PDE4B: variants seen among roughly 807,000 people sequenced by gnomAD.
PDE4B encodes the protein phosphodiesterase 4B, also known as 3',5'-cyclic-AMP phosphodiesterase 4B.
Under a neutral mutation model 82.2 loss-of-function variants are expected in PDE4B, and 20 were observed. That is an observed-to-expected ratio of 0.24 (90% confidence interval 0.17 to 0.35). PDE4B has a LOEUF of 0.35. Ranked by LOEUF, PDE4B falls within the 10% of genes least tolerant of loss-of-function variation. The pLI is 1.00. For synonymous variants in PDE4B, 320 were observed against 318.9 expected, an observed-to-expected ratio of 1.00 and a Z score of -0.04; for missense variants, 655 against 907.2, an observed-to-expected ratio of 0.72 and a Z score of 3.57.
At chr1:65,833,792 A>T (rs945020391) in intron 1 of PDE4B, among the ~76,000 whole-genome samples, 2 of 152,210 alleles carry the variant, frequency 1.3e-5, no homozygotes, top group African/African-American at 4.8e-5. Context: ...ATTTTCAGAA[A>T]TTTTTTGAGT....
At position 65,812,905 on chromosome 1, in the gene PDE4B, G is replaced by A. The variant is rs531394521; in HGVS notation, c.-71+19657G>A. 5.3e-5 allele frequency among the ~76,000 whole-genome samples: 8 copies of A among 152,136 alleles called. No homozygotes were observed. In the South Asian group the frequency reaches 1.7e-3, roughly 32 times the overall value. On this transcript the variant is annotated intron_variant, in intron 1 of 16. Coordinates refer to ENST00000341517, the MANE Select transcript of PDE4B (RefSeq NM_002600.4). Reference sequence around the variant, plus strand: ...ATTTGCCTGTCAACTGCTTTCTAAGGGTCCTAGACAGCCCTGGAAAAGTTG... The same window carrying A: ...ATTTGCCTGTCAACTGCTTTCTAAGAGTCCTAGACAGCCCTGGAAAAGTTG...
Position 66,063,387 on chromosome 1 carries a change from G to T in PDE4B, c.281+144552G>T, listed in dbSNP as rs927300487. Among the ~76,000 whole-genome samples, 304 of 152,120 alleles carry T rather than the reference G, an allele frequency of 2.0e-3. 3 individuals are homozygous for T. Among genetic ancestry groups the T allele is most frequent in the Non-Finnish European group, 1.5e-4 (10 of 67,946 alleles). ...GATTCTGATATAATTTATCTACAGT[G>T]GGTGCTGGGCTCTGGTATTTTTTGA... On this transcript the variant is annotated intron_variant, in intron 3 of 16. Coordinates refer to ENST00000341517, the MANE Select transcript of PDE4B (RefSeq NM_002600.4).
chr1:66,349,816 C>T (rs1661686468), intron 8 of PDE4B, among the ~76,000 whole-genome samples: 1 of 152,100 alleles, frequency 6.6e-6, no homozygotes, highest in African/African-American at 2.4e-5. Flanking sequence ...CACTATATCC[C>T]TCATTCTGTT....
intron 3 of PDE4B, among the ~76,000 whole-genome samples, chr1:66,217,204 A>C (rs1483814468): frequency 2.6e-5 from 4 of 152,032 alleles, no homozygotes; most frequent in Non-Finnish European, 5.9e-5. Context: ...ATACTTAGTC[A>C]TTGTGTGTTT....
At chr1:65,825,722 C>G (rs987379396) in intron 1 of PDE4B, among the ~76,000 whole-genome samples, 1 of 151,192 alleles carries the variant, frequency 6.6e-6, no homozygotes, top group Non-Finnish European at 1.5e-5. Flanking sequence ...ATCTATCTAT[C>G]TATCTATCTA....
At chr1:65,855,370 C>A (rs554587002) in intron 1 of PDE4B, among the ~76,000 whole-genome samples, 8 of 152,218 alleles carry the variant, frequency 5.3e-5, no homozygotes, top group Non-Finnish European at 1.0e-4. Flanking sequence ...GGTTGGTTAA[C>A]TGCAGCTTAG....
chr1:66,082,339 C>T (rs1570176572), intron 3 of PDE4B, among the ~76,000 whole-genome samples: 1 of 152,206 alleles, frequency 6.6e-6, no homozygotes, highest in East Asian at 1.9e-4. Flanking sequence ...TGAATACCTA[C>T]CTGTGGAATC....
chr1:66,193,541 T>C (rs1016353354), intron 3 of PDE4B, among the ~76,000 whole-genome samples: 1 of 152,158 alleles, frequency 6.6e-6, no homozygotes, highest in African/African-American at 2.4e-5. Context: ...GGAAATGTTA[T>C]CATCTCAGAG....
chr1:66,246,366 T>C (rs1260763798), intron 3 of PDE4B, among the ~76,000 whole-genome samples: 1 of 152,206 alleles, frequency 6.6e-6, no homozygotes, highest in Admixed American at 6.5e-5. Flanking sequence ...AATGTAGACA[T>C]AAATCATGGC....
intron 7 of PDE4B, among the ~76,000 whole-genome samples, chr1:66,319,068 A>AG (rs1367468973): frequency 6.6e-6 from 1 of 152,252 alleles, no homozygotes; most frequent in Non-Finnish European, 1.5e-5. Context: ...TGTATATAAC[A>AG]GGTTTTCTGC....
At chr1:66,298,299 G>T (rs1198119709) in intron 7 of PDE4B, among the ~76,000 whole-genome samples, 2 of 152,100 alleles carry the variant, frequency 1.3e-5, no homozygotes. Context: ...ATTTTGGTAA[G>T]TGGAAATGGG....
chr1:66,370,150 CAAAAAAAA>C (rs752920376), intron 16 of PDE4B, among the ~76,000 whole-genome samples: 1 of 28,622 alleles, frequency 3.5e-5, no homozygotes, highest in Admixed American at 4.6e-4. Flanking sequence ...GACTCTATCT[CAAAAAAAA>C]AAAAAAAAAA....
intron 3 of PDE4B, among the ~76,000 whole-genome samples, chr1:65,951,108 T>G (rs1030700164): frequency 2.6e-5 from 4 of 152,038 alleles, no homozygotes; most frequent in African/African-American, 9.7e-5. Flanking sequence ...ACTCTTCAAG[T>G]CTCCACATCA....
At chr1:66,196,674 T>C (rs1418492091) in intron 3 of PDE4B, among the ~76,000 whole-genome samples, 3 of 151,604 alleles carry the variant, frequency 2.0e-5, no homozygotes, top group Non-Finnish European at 4.4e-5. Context: ...ATGGATGAAA[T>C]TGGAAATCAT....
At chr1:66,201,702 C>CG (rs1648972793) in intron 3 of PDE4B, among the ~76,000 whole-genome samples, 1 of 116,690 alleles carries the variant, frequency 8.6e-6, no homozygotes, top group Non-Finnish European at 1.9e-5. Context: ...TCCCCTTTGT[C>CG]ATTTTTTATT....
chr1:66,346,177 T>G (rs1218669702), intron 8 of PDE4B, among the ~76,000 whole-genome samples: 1 of 152,208 alleles, frequency 6.6e-6, no homozygotes, highest in Non-Finnish European at 1.5e-5. Flanking sequence ...TTGGTTATGT[T>G]TTTCATTCCT....
chr1:65,953,340 A>G (rs1191417704), intron 3 of PDE4B, among the ~76,000 whole-genome samples: 1 of 152,070 alleles, frequency 6.6e-6, no homozygotes, highest in Non-Finnish European at 1.5e-5. Context: ...AGCTGTGACT[A>G]TGTTACATTA....
At chr1:65,829,963 A>G (rs1646063504) in intron 1 of PDE4B, among the ~76,000 whole-genome samples, 1 of 152,220 alleles carries the variant, frequency 6.6e-6, no homozygotes, top group South Asian at 2.1e-4. Flanking sequence ...GGCAATGAGC[A>G]TACAGAGAGG....
intron 3 of PDE4B, among the ~76,000 whole-genome samples, chr1:66,061,485 A>G (rs1267214926): frequency 6.6e-6 from 1 of 152,000 alleles, no homozygotes; most frequent in Non-Finnish European, 1.5e-5. Context: ...AAATGGATAC[A>G]GAGAGAGAAG....
Sources: gnomAD v4.1 joint callset for allele counts (sites outside exome capture counted in the v4.1 genomes callset) on GRCh38, gnomAD v4.1.1 for gene constraint, MANE v1.5 for transcripts, NCBI Gene and HGNC (gene_info 2026-07-23, HGNC 2026-07-21) for gene names.